Variants in METAP1D observed in about 807,000 individuals in gnomAD.
The protein encoded by METAP1D is methionine aminopeptidase 1D, mitochondrial.
A neutral mutation model predicts 40.5 loss-of-function variants in METAP1D; 31 were observed. That is an observed-to-expected ratio of 0.77 (90% CI 0.58 to 1.03). The LOEUF is 1.03. METAP1D is among the 50% of genes least tolerant of loss of function. The pLI is 0.00. For synonymous variants in METAP1D, 151 were observed against 146.4 expected (o/e 1.03, Z -0.22); for missense variants, 411 against 420.7 (o/e 0.98, Z 0.20).
intron 8 of METAP1D, 151 bp downstream of exon 8, chr2:172,079,413 C>T: frequency 2.7e-6 from 2 of 735,394 alleles, no homozygotes; most frequent in Admixed American, 2.4e-5. Context: ...AAATAATATC[C>T]TCAAGCCCCA....
At chr2:172,079,366 T>C (rs1355898287) in intron 8 of METAP1D, 104 bp downstream of exon 8, 14 of 1,025,682 alleles carry the variant, frequency 1.4e-5, no homozygotes, top group Non-Finnish European at 2.0e-5. Flanking sequence ...AGCCAATCAG[T>C]GTAATGAAAT....
chr2:172,035,823 T>A (rs1362446492), intron 1 of METAP1D, among the ~76,000 whole-genome samples: 1 of 151,558 alleles, frequency 6.6e-6, no homozygotes, highest in East Asian at 1.9e-4. Context: ...TAATTTTTAA[T>A]TTTTTTTAGA....
At position 172,068,520 on chromosome 2, in the gene METAP1D, C is replaced by CTT. The variant is rs113011377; in HGVS notation, c.540+2224_540+2225dup. On this transcript the variant is annotated intron_variant, in intron 5 of 9. Coordinates refer to ENST00000315796, the MANE Select transcript of METAP1D (RefSeq NM_199227.3). ...GTATATAGTGAATCTTTTAAGTAGT[C>CTT]TTTTTTTTTTTCAGACGGAGTTTCC... Among the ~76,000 whole-genome samples, 55 of 148,062 alleles carry CTT rather than the reference C, an allele frequency of 3.7e-4. No homozygotes were observed. The South Asian group carries it at 3.9e-3, about 10-fold the overall frequency.
At chr2:172,016,300 A>AAAAAAT (rs1553490378) in intron 1 of METAP1D, among the ~76,000 whole-genome samples, 474 of 39,864 alleles carry the variant, frequency 0.012, 9 homozygotes, top group Non-Finnish European at 0.016. Context: ...AAAAAAAAAA[A>AAAAAAT]ATATATATAT....
rs901773050 is a variant in METAP1D at position 172,079,231 on chromosome 2, A to G, written c.819A>G (p.Leu273=). 2 of 1,613,632 alleles carry G rather than the reference A, an allele frequency of 1.2e-6. No individual in the cohort carries two copies. Among genetic ancestry groups the G allele is most frequent in the Non-Finnish European group, 1.7e-6 (2 of 1,179,978 alleles). Reference sequence around the variant, plus strand: ...GTTTTGCAGCAAACGACAGTGATCTACCCATGGAGGAGGGCATGGCATTCA... The same window carrying G: ...GTTTTGCAGCAAACGACAGTGATCTGCCCATGGAGGAGGGCATGGCATTCA... The part of the protein sequence containing the change: ...EIWHHANDSD[L]PMEEGMAFTI... The change falls in exon 8 of 10, where the codon CTA becomes CTG. Residue 273 remains leucine (L), a synonymous_variant. Transcript: ENST00000315796.
At position 172,043,005 on chromosome 2, in the gene METAP1D, A is replaced by ATG. The variant is rs1689643577; in HGVS notation, c.41-18489_41-18488dup. Among the ~76,000 whole-genome samples, 2 of 99,530 alleles carry ATG rather than the reference A, an allele frequency of 2.0e-5. 1 individual carries two copies. Among genetic ancestry groups the ATG allele is most frequent in the Non-Finnish European group, 5.4e-5 (2 of 37,356 alleles). The allele number at this position is 99,530 out of a possible 152,430, so 65.3% of individuals were successfully genotyped here. ...CATATGTGTGCGTGTGTACACATAT[A>ATG]TGTGTATGTGTACACATATATGTGT... is the stretch of plus-strand genomic sequence containing the variant. On this transcript the variant is annotated intron_variant, in intron 1 of 9. Coordinates refer to ENST00000315796, the MANE Select transcript of METAP1D (RefSeq NM_199227.3).
chr2:172,002,281 C>T (rs967793922), intron 1 of METAP1D, among the ~76,000 whole-genome samples: 2 of 150,840 alleles, frequency 1.3e-5, no homozygotes, highest in South Asian at 2.1e-4. Context: ...CATGTATAAA[C>T]GTATTTTTAT....
chr2:172,026,665 T>A (rs1689127113), intron 1 of METAP1D, among the ~76,000 whole-genome samples: 1 of 152,220 alleles, frequency 6.6e-6, no homozygotes, highest in South Asian at 2.1e-4. Flanking sequence ...TAGTTTAATT[T>A]ACACAATATA....
At chr2:172,016,522 G>A (rs896953856) in intron 1 of METAP1D, among the ~76,000 whole-genome samples, 1 of 151,552 alleles carries the variant, frequency 6.6e-6, no homozygotes, top group Non-Finnish European at 1.5e-5. Flanking sequence ...TTGGGAGGCT[G>A]AGGTGGGAGG....
intron 5 of METAP1D, among the ~76,000 whole-genome samples, chr2:172,068,749 G>C (rs895767487): frequency 1.3e-5 from 2 of 152,026 alleles, no homozygotes; most frequent in Non-Finnish European, 2.9e-5. Flanking sequence ...CTGACCTCAA[G>C]TGATCCGCCC....
At chr2:172,037,034 C>T (rs1252897198) in intron 1 of METAP1D, among the ~76,000 whole-genome samples, 6 of 152,146 alleles carry the variant, frequency 3.9e-5, no homozygotes, top group Admixed American at 3.9e-4. Flanking sequence ...CCAAGGTGGG[C>T]GGATCACTTG....
chr2:172,016,137 G>A (rs1304511697), intron 1 of METAP1D, among the ~76,000 whole-genome samples: 2 of 145,134 alleles, frequency 1.4e-5, no homozygotes, highest in East Asian at 2.0e-4. Context: ...TTAGCTGGGC[G>A]CGGTCACATG....
chr2:172,036,331 A>AAG (rs1187192417), intron 1 of METAP1D, among the ~76,000 whole-genome samples: 3 of 150,516 alleles, frequency 2.0e-5, no homozygotes, highest in African/African-American at 7.3e-5. Context: ...AAAAAAAAAA[A>AAG]AGAATTTACT....
chr2:172,003,361 C>A (rs1026779366), intron 1 of METAP1D, among the ~76,000 whole-genome samples: 2 of 152,156 alleles, frequency 1.3e-5, no homozygotes, highest in Non-Finnish European at 2.9e-5. Context: ...CACTGGAATC[C>A]CAGGTCTAGC....
At chr2:172,077,386 A>G (rs1247891164) in intron 6 of METAP1D, among the ~76,000 whole-genome samples, 1 of 152,226 alleles carries the variant, frequency 6.6e-6, no homozygotes, top group African/African-American at 2.4e-5. Flanking sequence ...CCCAATCAGG[A>G]GTAATTTATA....
chr2:172,033,514 C>T (rs536051057), intron 1 of METAP1D, among the ~76,000 whole-genome samples: 16 of 151,856 alleles, frequency 1.1e-4, no homozygotes, highest in Non-Finnish European at 1.5e-4. Context: ...CCACCATGCC[C>T]GGGCTAATTT....
rs529451614 is a variant in METAP1D, at chr2:172,035,154, T to G, written c.41-26344T>G. Among the ~76,000 whole-genome samples the G allele has an allele frequency of 8.1e-3, 1,216 of 150,194 alleles. 6 individuals carry two copies. The highest frequency in any genetic ancestry group is 0.014 in the Middle Eastern group (4 of 288). The stretch of plus-strand genomic sequence containing the variant: ...ATGTAACTACTGTACTGTGTTTTTT[T>G]TTTGTTTGTTTGTTTGTTTGTTTGT... On this transcript the variant is annotated intron_variant, in intron 1 of 9. Transcript: ENST00000315796.
At chr2:172,033,567 G>A (rs1689290366) in intron 1 of METAP1D, among the ~76,000 whole-genome samples, 1 of 151,912 alleles carries the variant, frequency 6.6e-6, no homozygotes, top group South Asian at 2.1e-4. Context: ...CGTTGGCCAG[G>A]CTGGTTTCGA....
intron 1 of METAP1D, among the ~76,000 whole-genome samples, chr2:172,053,590 G>A (rs1689935214): frequency 6.6e-6 from 1 of 151,938 alleles, no homozygotes; most frequent in Non-Finnish European, 1.5e-5. Flanking sequence ...CAAAATAATT[G>A]CCTCCATTTG....
Sources: allele counts gnomAD v4.1 joint callset (sites outside exome capture counted in the v4.1 genomes callset), GRCh38; gene constraint gnomAD v4.1.1; transcripts MANE v1.5; gene names NCBI Gene and HGNC (gene_info 2026-07-23, HGNC 2026-07-21).